Variants in PDE3A observed in about 807,000 individuals in gnomAD.
PDE3A encodes the protein phosphodiesterase 3A, also known as cGMP-inhibited 3',5'-cyclic phosphodiesterase 3A.
In PDE3A, 43 loss-of-function variants were observed where a neutral mutation model predicts 98.3. The ratio of observed to expected loss-of-function variants is 0.44; its 90% CI spans 0.34 to 0.56. The LOEUF is 0.56. Ranked by LOEUF, PDE3A falls within the 20% of genes least tolerant of loss-of-function variation. The pLI, the probability that PDE3A is intolerant of heterozygous loss-of-function variation, is 0.01. For missense variants in PDE3A, 1,427 were observed against 1,440.7 expected (o/e 0.99, Z 0.15); for synonymous variants, 663 against 567.9 (o/e 1.17, Z -2.38).
chr12:20,475,994 TTAGTTCATGCTACAAGTTATG>T lies in PDE3A; in HGVS notation c.961-80647_961-80627del, dbSNP rs1460416239. 3.3e-5 allele frequency among the ~76,000 whole-genome samples: 5 copies of T among 152,294 alleles called. No individual in the cohort carries two copies. In the East Asian group the frequency reaches 9.7e-4, roughly 29 times the overall value. ...TTGTTTAAATGCTTCAGTTTGCATT[TTAGTTCATGCTACAAGTTATG>T]TAGTTCATGCTACAAGTTTATGCCT... On this transcript the variant is annotated intron_variant, in intron 1 of 15. Transcript: ENST00000359062.
intron 14 of PDE3A, among the ~76,000 whole-genome samples, chr12:20,653,268 C>G (rs752004952): frequency 7.2e-5 from 11 of 152,094 alleles, no homozygotes; most frequent in Non-Finnish European, 1.2e-4. Context: ...TAAGGTAACC[C>G]CTTGAATTGA....
intron 2 of PDE3A, among the ~76,000 whole-genome samples, chr12:20,602,587 C>CTAA (rs1342769982): frequency 6.6e-6 from 1 of 152,158 alleles, no homozygotes; most frequent in Non-Finnish European, 1.5e-5. Flanking sequence ...ATTCTGGTAA[C>CTAA]TAATGAAGTT....
chr12:20,561,105 A>G (rs12817713), intron 2 of PDE3A, among the ~76,000 whole-genome samples: 44,619 of 146,726 alleles, frequency 0.3, 6,667 homozygotes, highest in Admixed American at 0.39. Flanking sequence ...TACTAAAGAT[A>G]CAAAAATTAG....
At chr12:20,572,021 G>A in intron 2 of PDE3A, 1 of 1,103,722 alleles carries the variant, frequency 9.1e-7, no homozygotes, top group Non-Finnish European at 1.1e-6. Context: ...TTTAATTGGA[G>A]GATAGCTGGA....
At chr12:20,405,094 G>A (rs1944209166) in intron 1 of PDE3A, among the ~76,000 whole-genome samples, 1 of 152,130 alleles carries the variant, frequency 6.6e-6, no homozygotes, top group Non-Finnish European at 1.5e-5. Flanking sequence ...AGCGTCAGAG[G>A]AAATGGAAAA....
In PDE3A at chr12:20,524,099, C is replaced by T. The variant is rs375346821; in HGVS notation, c.961-32561C>T. On this transcript the variant is annotated intron_variant, in intron 1 of 15. Coordinates refer to ENST00000359062, the MANE Select transcript of PDE3A (RefSeq NM_000921.5). The stretch of plus-strand genomic sequence containing the variant: ...ATGTTTACTTGTAGAACTACCATCA[C>T]GGCCCCAGGGGAACAGCTTAAGAAA... 2.7e-4 allele frequency among the ~76,000 whole-genome samples: 41 copies of T among 152,220 alleles called. 1 individual carries two copies. The South Asian group carries it at 7.9e-3, about 29-fold the overall frequency.
chr12:20,400,663 C>T (rs1373627641), intron 1 of PDE3A, among the ~76,000 whole-genome samples: 1 of 152,096 alleles, frequency 6.6e-6, no homozygotes, highest in Non-Finnish European at 1.5e-5. Flanking sequence ...CGTGATCCGC[C>T]CGCCTCGGCC....
rs1946428658 is a variant in PDE3A, at chr12:20,521,589, T to C, written c.961-35071T>C. On this transcript the variant is annotated intron_variant, in intron 1 of 15. Coordinates refer to ENST00000359062, the MANE Select transcript of PDE3A (RefSeq NM_000921.5). Reference sequence around the variant, plus strand: ...TATACGATGCTTTGTAGTTTTGAAGTTTTGAGATAAATTATTTAGAATCAA... The same window carrying C: ...TATACGATGCTTTGTAGTTTTGAAGCTTTGAGATAAATTATTTAGAATCAA... Among the ~76,000 whole-genome samples, 5 of 152,172 alleles carry C rather than the reference T, an allele frequency of 3.3e-5. No homozygotes were observed. The South Asian group carries it at 1.0e-3, about 32-fold the overall frequency.
chr12:20,419,872 G>A (rs1944483621), intron 1 of PDE3A, among the ~76,000 whole-genome samples: 1 of 151,418 alleles, frequency 6.6e-6, no homozygotes, highest in Non-Finnish European at 1.5e-5. Context: ...TTGAGTAGCT[G>A]GGATTACAGA....
chr12:20,530,920 T>G (rs138554658), intron 1 of PDE3A, among the ~76,000 whole-genome samples: 1 of 152,320 alleles, frequency 6.6e-6, no homozygotes, highest in East Asian at 1.9e-4. Context: ...ACTGGGATCC[T>G]GAAAATGAAA....
chr12:20,436,221 C>T (rs1944776442), intron 1 of PDE3A, among the ~76,000 whole-genome samples: 1 of 152,040 alleles, frequency 6.6e-6, no homozygotes, highest in African/African-American at 2.4e-5. Context: ...CTACCCTGAT[C>T]ATTCCAAAAG....
At chr12:20,660,993 A>G (rs938357015) in intron 15 of PDE3A, among the ~76,000 whole-genome samples, 5 of 152,204 alleles carry the variant, frequency 3.3e-5, no homozygotes, top group African/African-American at 1.2e-4. Context: ...AATGTGAGAA[A>G]GTTAGTTTGG....
chr12:20,688,303 A>T lies in PDE3A; in HGVS notation c.*8032A>T, dbSNP rs1195917080. 6.6e-6 allele frequency among the ~76,000 whole-genome samples: 1 copy of T among 152,000 alleles called. No individual in the cohort carries two copies. Among genetic ancestry groups the T allele is most frequent in the Non-Finnish European group, 1.5e-5 (1 of 67,944 alleles). ...TACTTAGTATCATCCCATCACAAGT[A>T]TTGTTAGGCGACTTAGTGGCGGAGA... is the stretch of plus-strand genomic sequence containing the variant. On this transcript the variant is annotated 3_prime_UTR_variant, in exon 16 of 16. Transcript: ENST00000359062.
At chr12:20,426,589 T>C (rs1443708682) in intron 1 of PDE3A, among the ~76,000 whole-genome samples, 1 of 152,174 alleles carries the variant, frequency 6.6e-6, no homozygotes, top group East Asian at 1.9e-4. Context: ...TGGGACTGTA[T>C]AGTGTAGAGA....
rs902135942 is a variant in PDE3A, at chr12:20,369,878, G to C, written c.594G>C (p.Leu198Phe). ...LPAAGVVLSC[L>F]AAATWLVLRL... Reference sequence around the variant, plus strand: ...CCGCGGGGGTGGTGCTCAGCTGCTTGGCCGCCGCGACATGGCTGGTGCTGA... The same window carrying C: ...CCGCGGGGGTGGTGCTCAGCTGCTTCGCCGCCGCGACATGGCTGGTGCTGA... Residue 198 changes from leucine to phenylalanine, a missense_variant, in exon 1 of 16, where the codon TTG becomes TTC. Coordinates refer to ENST00000359062, the MANE Select transcript of PDE3A (RefSeq NM_000921.5). 9 of 1,613,032 alleles carry C rather than the reference G, an allele frequency of 5.6e-6. No individual in the cohort carries two copies. The highest frequency in any genetic ancestry group is 7.6e-6 in the Non-Finnish European group (9 of 1,179,728).
rs888121196 is a variant in PDE3A at position 20,669,240 on chromosome 12, G to A, written c.3185-10790G>A. ...ACGTCTGATTGGTGTACCTGAAAGT[G>A]ATGGGGAGAATGGAACCAAGTTGGA... On this transcript the variant is annotated intron_variant, in intron 15 of 15. Transcript: ENST00000359062. 7.2e-5 allele frequency among the ~76,000 whole-genome samples: 11 copies of A among 152,184 alleles called. No individual in the cohort carries two copies. In the Middle Eastern group the frequency reaches 0.014, roughly 188 times the overall value.
At chr12:20,616,136 A>G (rs750636296) in intron 3 of PDE3A, 94 bp from the exon 4 acceptor site, 3 of 1,127,884 alleles carry the variant, frequency 2.7e-6, no homozygotes, top group Non-Finnish European at 3.7e-6. Context: ...TAGTCAATTC[A>G]CTTCTAATTA....
chr12:20,458,382 C>CA (rs778748970), intron 1 of PDE3A, among the ~76,000 whole-genome samples: 1,548 of 124,766 alleles, frequency 0.012, 12 homozygotes, highest in Middle Eastern at 0.016. Context: ...TTAAGCTTTC[C>CA]AAAAAAAAAA....
At chr12:20,468,611 G>A (rs78701572) in intron 1 of PDE3A, among the ~76,000 whole-genome samples, 7,300 of 152,252 alleles carry the variant, frequency 0.048, 211 homozygotes, top group Middle Eastern at 0.065. Flanking sequence ...TCTATACACA[G>A]CTTCCCTGTA....
Sources: allele counts gnomAD v4.1 joint callset (sites outside exome capture counted in the v4.1 genomes callset), GRCh38; gene constraint gnomAD v4.1.1; transcripts MANE v1.5; gene names NCBI Gene and HGNC (gene_info 2026-07-23, HGNC 2026-07-21).